KAT6A: variants seen among roughly 807,000 people sequenced by gnomAD.
KAT6A encodes lysine acetyltransferase 6A, also known as histone acetyltransferase KAT6A.
Under a neutral mutation model 198.4 loss-of-function variants are expected in KAT6A, and 9 were observed. The observed-to-expected ratio is 0.05, with a 90% CI of 0.03 to 0.08. The LOEUF (loss-of-function observed/expected upper bound fraction) is 0.08, where lower values mean the gene tolerates loss of function less well. Ranked by LOEUF, KAT6A falls within the 10% of genes least tolerant of loss-of-function variation. The pLI is 1.00. For missense variants in KAT6A, 2,077 were observed against 2,509.9 expected (o/e 0.83, Z 3.69); for synonymous variants, 890 against 883.0 (o/e 1.01, Z -0.14).
chr8:41,954,453 C>T (rs910250903), intron 9 of KAT6A, among the ~76,000 whole-genome samples: 1 of 152,168 alleles, frequency 6.6e-6, no homozygotes, highest in African/African-American at 2.4e-5. Flanking sequence ...TTGTAACACC[C>T]TACTAAATGG....
chr8:41,938,658 C>A (rs1391352780), intron 15 of KAT6A, among the ~76,000 whole-genome samples: 1 of 152,026 alleles, frequency 6.6e-6, no homozygotes, highest in Admixed American at 6.6e-5. Context: ...ATATGTTAAA[C>A]ACAGGAGGCC....
chr8:41,944,576 C>G, intron 12 of KAT6A, among the ~76,000 whole-genome samples: 1 of 152,030 alleles, frequency 6.6e-6, no homozygotes. Flanking sequence ...GGAAAAGCAA[C>G]GAAAATGGAG....
chr8:41,958,927 A>T (rs562780265), intron 8 of KAT6A, among the ~76,000 whole-genome samples: 2 of 152,288 alleles, frequency 1.3e-5, no homozygotes, highest in South Asian at 4.1e-4. Context: ...TGGGAGGCTG[A>T]GGTGGGCGGA....
rs951557862 is a variant in KAT6A, at chr8:41,930,662, T to C, written c.*1543A>G. ...TATAATAGTTTCCATCTTCTAATGA[T>C]GGAATATATATATATATATATGTGT... is the stretch of plus-strand genomic sequence containing the variant. On this transcript the variant is annotated 3_prime_UTR_variant, in exon 17 of 17. Transcript: ENST00000265713. The C allele has an allele frequency of 1.8e-5, 3 of 166,498 alleles. No homozygotes were observed. Among genetic ancestry groups the C allele is most frequent in the Non-Finnish European group, 3.8e-5 (3 of 79,860 alleles). The allele number at this position is 166,498 out of a possible 1,614,324, so 10.3% of individuals were successfully genotyped here. A position where few individuals can be genotyped will look rare whatever the true frequency, so the allele number is the denominator to read the frequency against.
intron 2 of KAT6A, among the ~76,000 whole-genome samples, chr8:42,004,831 G>T (rs958890298): frequency 2.0e-5 from 3 of 152,096 alleles, no homozygotes; most frequent in Non-Finnish European, 1.5e-5. Context: ...AAGAGGCTAA[G>T]GCAGGAGAAT....
chr8:41,936,479 G>C (rs1821861357), intron 16 of KAT6A, among the ~76,000 whole-genome samples: 1 of 152,124 alleles, frequency 6.6e-6, no homozygotes, highest in Non-Finnish European at 1.5e-5. Context: ...CTCATTCTGA[G>C]CCCATGCGAG....
chr8:41,979,368 G>C (rs577720841), intron 5 of KAT6A, among the ~76,000 whole-genome samples: 3 of 152,124 alleles, frequency 2.0e-5, no homozygotes, highest in African/African-American at 7.2e-5. Flanking sequence ...ACTGGGCACA[G>C]TGGCTCATGC....
chr8:42,049,479 GA>G (rs904937881), intron 1 of KAT6A, 177 bp from the exon 2 acceptor site: 9 of 145,898 alleles, frequency 6.2e-5, no homozygotes, highest in East Asian at 2.6e-4. Context: ...GGATAAAAAA[GA>G]AAAAAAAAGA....
At chr8:41,987,677 TTACTCTCC>T in intron 2 of KAT6A, 114 bp from the exon 3 acceptor site, 1 of 706,726 alleles carries the variant, frequency 1.4e-6, no homozygotes, top group East Asian at 2.6e-5. Flanking sequence ...GACAATTGTA[TTACTCTCC>T]TAAATTCCAG....
At chr8:41,961,589 C>T (rs779950222) in intron 8 of KAT6A, among the ~76,000 whole-genome samples, 22 of 151,854 alleles carry the variant, frequency 1.4e-4, no homozygotes, top group Non-Finnish European at 2.8e-4. Flanking sequence ...CCTGTCCCTA[C>T]TAAAAATAGA....
At position 41,977,300 on chromosome 8, in the gene KAT6A, T is replaced by A; in HGVS notation, c.1071A>T (p.Arg357=). ...GTTTCCTACCCCTTCCAGGGCCAGTTCGAACTTTGCTGAAGGGACCTTTTG... is the reference window on the plus strand; with the variant it reads ...GTTTCCTACCCCTTCCAGGGCCAGTACGAACTTTGCTGAAGGGACCTTTTG... The part of the protein sequence containing the change: ...TVSKGPFSKV[R]TGPGRGRKRK... The change falls in exon 7 of 17, where the codon CGA becomes CGT. Residue 357 remains arginine, a synonymous_variant. Transcript: ENST00000265713. 1 of 1,613,932 alleles carries A rather than the reference T, an allele frequency of 6.2e-7. No individual in the cohort carries two copies. Among genetic ancestry groups the A allele is most frequent in the Middle Eastern group, 1.7e-4 (1 of 6,060 alleles).
intron 2 of KAT6A, among the ~76,000 whole-genome samples, chr8:42,035,489 G>A (rs895358818): frequency 2.0e-5 from 3 of 152,168 alleles, no homozygotes; most frequent in Admixed American, 6.5e-5. Context: ...TAACTCTCTA[G>A]AAAACAGTAA....
chr8:42,014,942 G>C (rs1042734159), intron 2 of KAT6A, among the ~76,000 whole-genome samples: 4 of 152,190 alleles, frequency 2.6e-5, no homozygotes, highest in African/African-American at 9.7e-5. Flanking sequence ...GCTAGGAAAG[G>C]ATAGATTATG....
chr8:42,007,850 T>C (rs866607910), intron 2 of KAT6A, among the ~76,000 whole-genome samples: 3 of 149,672 alleles, frequency 2.0e-5, no homozygotes, highest in South Asian at 2.1e-4. Context: ...TAGTCCCAGC[T>C]ACTCAGGAGG....
chr8:41,986,186 G>A (rs951013894), intron 3 of KAT6A, among the ~76,000 whole-genome samples: 1 of 152,136 alleles, frequency 6.6e-6, no homozygotes, highest in Non-Finnish European at 1.5e-5. Flanking sequence ...TGATCTGCCC[G>A]CCTCGGCCTC....
chr8:41,987,330 C>T lies in KAT6A; in HGVS notation c.709+125G>A, dbSNP rs766618860. ...AAGACATGTTTCTCAGAACTTATCC[C>T]CCATAATTAAAAGATGTATGACTGT... is the stretch of plus-strand genomic sequence containing the variant. On this transcript the variant is annotated intron_variant, in intron 3 of 16. Transcript: ENST00000265713. 1.5e-4 allele frequency: 96 copies of T among 638,528 alleles called. 1 individual carries two copies. Among genetic ancestry groups the T allele is most frequent in the Admixed American group, 1.5e-3 (54 of 37,156 alleles). The allele number at this position is 638,528 out of a possible 1,614,324, so 39.6% of individuals were successfully genotyped here.
At chr8:41,981,322 A>AAAT (rs1824347546) in intron 4 of KAT6A, among the ~76,000 whole-genome samples, 2 of 152,002 alleles carry the variant, frequency 1.3e-5, no homozygotes, top group African/African-American at 2.4e-5. Flanking sequence ...CTTCTCAAAA[A>AAAT]AAATAAATAA....
chr8:41,971,513 G>A (rs568137517), intron 8 of KAT6A, among the ~76,000 whole-genome samples: 1 of 152,270 alleles, frequency 6.6e-6, no homozygotes, highest in Non-Finnish European at 1.5e-5. Flanking sequence ...AGGAAGAGGA[G>A]GCGGCTGTGG....
At chr8:42,021,385 T>TA (rs1341073901) in intron 2 of KAT6A, among the ~76,000 whole-genome samples, 4 of 152,158 alleles carry the variant, frequency 2.6e-5, no homozygotes, top group African/African-American at 7.2e-5. Context: ...TGAAACAGGC[T>TA]AAAAAACCAC....
Sources: gnomAD v4.1 joint callset for allele counts (sites outside exome capture counted in the v4.1 genomes callset) on GRCh38, gnomAD v4.1.1 for gene constraint, MANE v1.5 for transcripts, NCBI Gene and HGNC (gene_info 2026-07-23, HGNC 2026-07-21) for gene names.